Variants in NT5DC3 observed in about 807,000 individuals in gnomAD.
NT5DC3 encodes 5'-nucleotidase domain-containing protein 3.
Under a neutral mutation model 67.8 loss-of-function variants are expected in NT5DC3, and 42 were observed. That is an observed-to-expected ratio of 0.62 (90% confidence interval 0.48 to 0.80). The LOEUF is 0.80. Among genes scored for constraint, NT5DC3 ranks in the 30% least tolerant of loss-of-function variants. The pLI is 0.00. For synonymous variants in NT5DC3, 237 were observed against 255.6 expected, an observed-to-expected ratio of 0.93 and a Z score of 0.69; for missense variants, 570 against 696.4, an observed-to-expected ratio of 0.82 and a Z score of 2.04.
intron 1 of NT5DC3, among the ~76,000 whole-genome samples, chr12:103,824,335 C>T (rs927815965): frequency 2.0e-5 from 3 of 152,340 alleles, no homozygotes; most frequent in South Asian, 2.1e-4. Context: ...ACTTCTGCAA[C>T]AGTCCAATGG....
Position 103,815,078 on chromosome 12 carries a change from G to A in NT5DC3, c.252C>T (p.Ala84=). 1 of 1,613,088 alleles carries A rather than the reference G, an allele frequency of 6.2e-7. No homozygotes were observed. The highest frequency in any genetic ancestry group is 8.5e-7 in the Non-Finnish European group (1 of 1,179,564). ...SIMSNLLNPD[A]IFSNNEMSLS... is the part of the protein sequence containing the mutation. ...GGCTCATTTCATTGTTTGAGAAAAT[G>A]GCATCTGGATTCAACAAGTTGCTCA... Residue 84 remains alanine, a synonymous_variant, in exon 2 of 14, where the codon GCC becomes GCT. Coordinates refer to ENST00000392876, the MANE Select transcript of NT5DC3 (RefSeq NM_001031701.3).
intron 2 of NT5DC3, among the ~76,000 whole-genome samples, chr12:103,809,395 G>A (rs1886936595): frequency 6.6e-6 from 1 of 152,182 alleles, no homozygotes; most frequent in African/African-American, 2.4e-5. Context: ...TTATTCTTGG[G>A]GAGCCACTCC....
chr12:103,788,878 TC>T lies in NT5DC3; in HGVS notation c.1060del (p.Asp354IlefsTer21). On this transcript the variant is annotated frameshift_variant, in exon 10 of 14. Coordinates refer to ENST00000392876, the MANE Select transcript of NT5DC3 (RefSeq NM_001031701.3). LOFTEE classifies it high-confidence loss of function. The stretch of plus-strand genomic sequence containing the variant: ...GCCTTTCTGCAACTTATGGATTTTA[TC>T]CCAGAGTAAGACACCTTTCTCATTC... ...KMNEKGVLLW[D>X]KIHKLQKGQI... 8 of 1,613,664 alleles carry T rather than the reference TC, an allele frequency of 5.0e-6. No homozygotes were observed. Among genetic ancestry groups the T allele is most frequent in the Non-Finnish European group, 6.8e-6 (8 of 1,179,566 alleles).
chr12:103,747,697 A>G, the NT5DC3 span, among the ~76,000 whole-genome samples: 1 of 152,188 alleles, frequency 6.6e-6, no homozygotes, highest in Non-Finnish European at 1.5e-5. Context: ...CTATTATTAC[A>G]GAAAAAAAGA....
Position 103,785,433 on chromosome 12 carries a change from G to C in NT5DC3, c.1231C>G (p.Pro411Ala), listed in dbSNP as rs1566100646. 1 of 1,613,978 alleles carries C rather than the reference G, an allele frequency of 6.2e-7. No homozygotes were observed. Among genetic ancestry groups the C allele is most frequent in the Non-Finnish European group, 8.5e-7 (1 of 1,179,942 alleles). ...ATTTTGAGCTCAGATCTCAACTCTG[G>C]GATGATTGCACCAGTCCTCCAGCCA... ...KHGWRTGAII[P>A]ELRSELKIMN... The change falls in exon 12 of 14, where the codon CCA becomes GCA. Residue 411 changes from proline (P) to alanine (A), a missense_variant. By Grantham distance (27) the Pro-to-Ala change is conservative. This residue lies in a region of NT5DC3 where 466 missense variants were observed against 608.0 expected (regional missense o/e 0.77). Transcript: ENST00000392876.
chr12:103,831,133 C>T (rs1488166414), intron 1 of NT5DC3, among the ~76,000 whole-genome samples: 1 of 152,158 alleles, frequency 6.6e-6, no homozygotes, highest in African/African-American at 2.4e-5. Context: ...TCCCCATAAC[C>T]CCCATGTGTC....
At chr12:103,840,904 C>A (rs1027688396) in intron 1 of NT5DC3, 45 bp downstream of exon 1, 1 of 1,213,480 alleles carries the variant, frequency 8.2e-7, no homozygotes, top group Non-Finnish European at 1.1e-6. Context: ...GCTGAGCGCG[C>A]AGGAGGGGCC....
At chr12:103,791,655 G>C (rs937157859) in intron 9 of NT5DC3, among the ~76,000 whole-genome samples, 2 of 152,120 alleles carry the variant, frequency 1.3e-5, no homozygotes, top group Non-Finnish European at 2.9e-5. Context: ...CCTGGGCCGC[G>C]GACCACAGAC....
the NT5DC3 span, chr12:103,759,218 A>G: frequency 1.9e-6 from 3 of 1,614,196 alleles, no homozygotes; most frequent in Non-Finnish European, 2.5e-6. Flanking sequence ...ACCACCCTGC[A>G]AACGAGGCTG....
chr12:103,839,721 A>C (rs1189620881), intron 1 of NT5DC3, among the ~76,000 whole-genome samples: 1 of 152,160 alleles, frequency 6.6e-6, no homozygotes, highest in Non-Finnish European at 1.5e-5. Context: ...ATACCACACA[A>C]CAGCTTCAAA....
At chr12:103,824,991 A>G (rs1156423127) in intron 1 of NT5DC3, among the ~76,000 whole-genome samples, 1 of 152,200 alleles carries the variant, frequency 6.6e-6, no homozygotes, top group Non-Finnish European at 1.5e-5. Flanking sequence ...GATTATAAAT[A>G]CAGAGCAATA....
the NT5DC3 span, chr12:103,749,193 G>A: frequency 1.6e-5 from 25 of 1,561,678 alleles, no homozygotes; most frequent in East Asian, 2.3e-4. Flanking sequence ...TGGGAGCAGC[G>A]CCGTGGGCTT....
the NT5DC3 span, among the ~76,000 whole-genome samples, chr12:103,757,088 ATTTTG>A: frequency 6.7e-6 from 1 of 149,466 alleles, no homozygotes; most frequent in Non-Finnish European, 1.5e-5. Context: ...ATTTATATAT[ATTTTG>A]TTTGTTTGTT....
Position 103,794,067 on chromosome 12 carries a change from T to C in NT5DC3, c.754-70A>G, listed in dbSNP as rs1050092099. The C allele has an allele frequency of 6.0e-6, 7 of 1,166,828 alleles. No individual in the cohort carries two copies. In the East Asian group the frequency reaches 1.2e-4, roughly 20 times the overall value. 72.3% of individuals were successfully genotyped at this position (1,166,828 alleles called of 1,614,324 possible). ...AGCCTGAGTAACAGTACAAGTGAAA[T>C]GGCAGTCATGGTAACTTCTGTCCCT... On this transcript the variant is annotated intron_variant, in intron 6 of 13. Transcript: ENST00000392876.
At chr12:103,792,394 A>G (rs777404673) in intron 9 of NT5DC3, among the ~76,000 whole-genome samples, 2 of 152,214 alleles carry the variant, frequency 1.3e-5, no homozygotes, top group African/African-American at 2.4e-5. Context: ...ACAGAGAGGA[A>G]CAGACTACCT....
the NT5DC3 span, among the ~76,000 whole-genome samples, chr12:103,757,468 C>T: frequency 2.0e-5 from 3 of 152,300 alleles, no homozygotes; most frequent in South Asian, 4.1e-4. Flanking sequence ...GGAACAAACA[C>T]GTCAATAGTA....
At chr12:103,829,186 AGAC>A (rs1887824010) in intron 1 of NT5DC3, among the ~76,000 whole-genome samples, 1 of 152,236 alleles carries the variant, frequency 6.6e-6, no homozygotes, top group Non-Finnish European at 1.5e-5. Flanking sequence ...CTAGTTCAGC[AGAC>A]AACACATGTT....
At chr12:103,818,804 T>G (rs1329748914) in intron 1 of NT5DC3, among the ~76,000 whole-genome samples, 1 of 152,176 alleles carries the variant, frequency 6.6e-6, no homozygotes, top group Non-Finnish European at 1.5e-5. Flanking sequence ...AGACCTAAGC[T>G]CTTTGATATC....
the NT5DC3 span, chr12:103,755,668 A>T: frequency 6.2e-7 from 1 of 1,614,106 alleles, no homozygotes; most frequent in Non-Finnish European, 8.5e-7. Flanking sequence ...ATGCAGTGGG[A>T]ACCTGCTGCA....
Sources: allele counts gnomAD v4.1 joint callset (sites outside exome capture counted in the v4.1 genomes callset), GRCh38; gene constraint gnomAD v4.1.1; regional missense constraint gnomAD v4.1.1; transcripts MANE v1.5; gene names NCBI Gene and HGNC (gene_info 2026-07-23, HGNC 2026-07-21).